Variants in MEF2A observed in about 807,000 individuals in gnomAD.
MEF2A encodes myocyte enhancer factor 2A, also known as myocyte-specific enhancer factor 2A.
MEF2A carries 28 observed loss-of-function variants against 55.8 expected under a neutral mutation model. The observed-to-expected ratio is 0.50, with a 90% CI of 0.37 to 0.69. The LOEUF is 0.69. MEF2A is among the 30% of genes least tolerant of loss of function. The pLI is 0.00. For synonymous variants in MEF2A, 239 were observed against 227.1 expected, an observed-to-expected ratio of 1.05 and a Z score of -0.47; for missense variants, 528 against 626.2, an observed-to-expected ratio of 0.84 and a Z score of 1.67.
At chr15:99,711,951 T>A (rs2058685367) in intron 11 of MEF2A, among the ~76,000 whole-genome samples, 1 of 152,222 alleles carries the variant, frequency 6.6e-6, no homozygotes, top group Admixed American at 6.5e-5. Context: ...AAAATGGGGA[T>A]GGTGCGACTT....
chr15:99,612,115 G>A (rs1391569023), intron 2 of MEF2A, among the ~76,000 whole-genome samples: 1 of 151,878 alleles, frequency 6.6e-6, no homozygotes, highest in East Asian at 1.9e-4. Flanking sequence ...TTGTGAATAC[G>A]ATTTTTAGAA....
At chr15:99,615,900 CTG>C (rs1472458663) in intron 2 of MEF2A, among the ~76,000 whole-genome samples, 2 of 152,260 alleles carry the variant, frequency 1.3e-5, no homozygotes, top group South Asian at 2.1e-4. Flanking sequence ...AATGAAGAAA[CTG>C]TGGCTGAGCA....
rs2058942726 is a variant in MEF2A, at chr15:99,714,283, G to A, written c.*1512G>A. ...TTGCCTTTTGTGAGGAAAAAATGTA[G>A]TAGAAAAAGCTGACCTAATTTAATT... On this transcript the variant is annotated 3_prime_UTR_variant, in exon 12 of 12. Coordinates refer to ENST00000557942, the MANE Select transcript of MEF2A (RefSeq NM_001319206.4). 2.0e-5 allele frequency: 3 copies of A among 152,190 alleles called. No individual in the cohort carries two copies. Among genetic ancestry groups the A allele is most frequent in the Admixed American group, 2.0e-4 (3 of 15,276 alleles). 9.4% of individuals were successfully genotyped at this position (152,190 alleles called of 1,614,324 possible). A position where few individuals can be genotyped will look rare whatever the true frequency, so the allele number is the denominator to read the frequency against.
chr15:99,570,096 C>T (rs1018384514), intron 1 of MEF2A, among the ~76,000 whole-genome samples: 2 of 151,634 alleles, frequency 1.3e-5, no homozygotes, highest in African/African-American at 2.4e-5. Flanking sequence ...TTATCTTAGT[C>T]GAGATGAAAT....
intron 2 of MEF2A, among the ~76,000 whole-genome samples, chr15:99,603,875 T>C (rs1378203704): frequency 2.0e-5 from 3 of 152,216 alleles, no homozygotes; most frequent in African/African-American, 7.2e-5. Context: ...TCAACTTCAA[T>C]TGTGGATTTA....
At chr15:99,685,042 T>C (rs1257651430) in intron 7 of MEF2A, among the ~76,000 whole-genome samples, 1 of 152,246 alleles carries the variant, frequency 6.6e-6, no homozygotes, top group Non-Finnish European at 1.5e-5. Context: ...TTCTGTTCCA[T>C]TGGTCTGTGT....
At chr15:99,654,512 T>C (rs1249252746) in intron 4 of MEF2A, among the ~76,000 whole-genome samples, 1 of 150,680 alleles carries the variant, frequency 6.6e-6, no homozygotes, top group African/African-American at 2.4e-5. Context: ...AATAGGGGTA[T>C]TGGGGGACAG....
chr15:99,673,002 C>G (rs2051176312), intron 5 of MEF2A, among the ~76,000 whole-genome samples: 1 of 152,092 alleles, frequency 6.6e-6, no homozygotes, highest in Non-Finnish European at 1.5e-5. Flanking sequence ...TGTGGATGTG[C>G]TTGTGTGAGG....
intron 2 of MEF2A, among the ~76,000 whole-genome samples, chr15:99,628,795 G>C (rs977842699): frequency 2.0e-5 from 3 of 152,106 alleles, no homozygotes; most frequent in Admixed American, 2.0e-4. Context: ...GAGTTACTCA[G>C]TGAACCCTCT....
At chr15:99,615,680 A>T (rs909026196) in intron 2 of MEF2A, among the ~76,000 whole-genome samples, 1 of 152,170 alleles carries the variant, frequency 6.6e-6, no homozygotes, top group Non-Finnish European at 1.5e-5. Flanking sequence ...CTGTCCTGTT[A>T]ACCATGTTAA....
intron 7 of MEF2A, among the ~76,000 whole-genome samples, chr15:99,685,647 C>A (rs1444420935): frequency 6.6e-6 from 1 of 152,150 alleles, no homozygotes; most frequent in African/African-American, 2.4e-5. Flanking sequence ...ACCATCCCTG[C>A]ATCCCTAGTA....
At chr15:99,709,846 G>A (rs1348851129) in intron 10 of MEF2A, among the ~76,000 whole-genome samples, 1 of 152,194 alleles carries the variant, frequency 6.6e-6, no homozygotes, top group East Asian at 1.9e-4. Context: ...TGAAACTCTT[G>A]CATGCTGTCA....
chr15:99,632,928 G>C, intron 2 of MEF2A, 50 bp from the exon 3 acceptor site: 2 of 486,546 alleles, frequency 4.1e-6, no homozygotes, highest in South Asian at 3.3e-5. Context: ...ACACTTACAT[G>C]ATTTGTAAAC....
chr15:99,611,505 T>TA (rs1977285191), intron 2 of MEF2A, among the ~76,000 whole-genome samples: 2 of 152,138 alleles, frequency 1.3e-5, no homozygotes, highest in South Asian at 4.2e-4. Flanking sequence ...GATGGCATAA[T>TA]AAAAAAAGAC....
chr15:99,644,374 T>C (rs985222147), intron 3 of MEF2A, among the ~76,000 whole-genome samples: 4 of 152,222 alleles, frequency 2.6e-5, no homozygotes, highest in African/African-American at 4.8e-5. Flanking sequence ...GAAACATCAT[T>C]GAATTGTACA....
intron 7 of MEF2A, among the ~76,000 whole-genome samples, chr15:99,683,713 A>T (rs903539240): frequency 5.7e-3 from 89 of 15,624 alleles, no homozygotes; most frequent in African/African-American, 8.2e-3. Flanking sequence ...CCTTTTATTA[A>T]AAAAAAAAAA....
At chr15:99,596,863 G>A (rs1971357505) in intron 1 of MEF2A, among the ~76,000 whole-genome samples, 2 of 152,146 alleles carry the variant, frequency 1.3e-5, no homozygotes, top group Non-Finnish European at 2.9e-5. Context: ...CCAAACGGAG[G>A]GACTGGCTGA....
intron 2 of MEF2A, among the ~76,000 whole-genome samples, chr15:99,618,356 C>T (rs1242172253): frequency 6.6e-6 from 1 of 152,092 alleles, no homozygotes; most frequent in East Asian, 1.9e-4. Context: ...CTCTAGATTA[C>T]AGGAGACTAA....
intron 11 of MEF2A, among the ~76,000 whole-genome samples, chr15:99,711,965 C>T (rs1368941911): frequency 1.3e-5 from 2 of 152,152 alleles, no homozygotes; most frequent in African/African-American, 2.4e-5. Flanking sequence ...GCGACTTGCA[C>T]CTTAGAGGTG....
Sources: gnomAD v4.1 joint callset for allele counts (sites outside exome capture counted in the v4.1 genomes callset) on GRCh38, gnomAD v4.1.1 for gene constraint, MANE v1.5 for transcripts, NCBI Gene and HGNC (gene_info 2026-07-23, HGNC 2026-07-21) for gene names.